EXOSC7: variants seen among roughly 807,000 people sequenced by gnomAD.
The protein encoded by EXOSC7 is exosome complex component RRP42.
Under a neutral mutation model 34.3 loss-of-function variants are expected in EXOSC7, and 25 were observed. That is an observed-to-expected ratio of 0.73 (90% CI 0.53 to 1.02). EXOSC7 has a LOEUF of 1.02. Among genes scored for constraint, EXOSC7 ranks in the 50% least tolerant of loss-of-function variants. EXOSC7 has a pLI of 0.00. For missense variants in EXOSC7, 370 were observed against 368.5 expected, an observed-to-expected ratio of 1.00 and a Z score of -0.03; for synonymous variants, 130 against 143.0, an observed-to-expected ratio of 0.91 and a Z score of 0.65.
chr3:45,004,556 T>G (rs952341566), intron 5 of EXOSC7: 4 of 97,080 alleles, frequency 4.1e-5, no homozygotes, highest in Non-Finnish European at 7.1e-5. Flanking sequence ...ATGCCTGGCG[T>G]TTTTTTTTTT....
chr3:45,010,954 A>T (rs376317725), intron 7 of EXOSC7, among the ~76,000 whole-genome samples: 1 of 152,230 alleles, frequency 6.6e-6, no homozygotes. Context: ...GCATGAGCTA[A>T]TGGCCAGGGC....
intron 7 of EXOSC7, among the ~76,000 whole-genome samples, chr3:45,009,441 C>T (rs1329788297): frequency 6.6e-6 from 1 of 152,178 alleles, no homozygotes; most frequent in East Asian, 1.9e-4. Context: ...ATCTCATCTC[C>T]TCTTGTTGTC....
At chr3:44,978,325 G>T (rs1238118217) in intron 1 of EXOSC7, among the ~76,000 whole-genome samples, 2 of 150,318 alleles carry the variant, frequency 1.3e-5, no homozygotes, top group Non-Finnish European at 2.9e-5. Context: ...TAAATAAAAA[G>T]AATTCCAGGG....
intron 5 of EXOSC7, among the ~76,000 whole-genome samples, chr3:45,003,581 A>G (rs1706947059): frequency 6.6e-6 from 1 of 152,152 alleles, no homozygotes; most frequent in Non-Finnish European, 1.5e-5. Flanking sequence ...AGGAACTGGG[A>G]AAAGTACTAA....
At chr3:44,986,478 C>T (rs1365719637) in intron 1 of EXOSC7, among the ~76,000 whole-genome samples, 1 of 152,210 alleles carries the variant, frequency 6.6e-6, no homozygotes, top group African/African-American at 2.4e-5. Flanking sequence ...CCACGCCTCT[C>T]CCTCCACACC....
intron 3 of EXOSC7, among the ~76,000 whole-genome samples, chr3:44,993,129 C>G (rs1365050527): frequency 2.0e-5 from 3 of 152,070 alleles, no homozygotes; most frequent in Non-Finnish European, 2.9e-5. Flanking sequence ...CCTGCAGAAG[C>G]CTTTTGAGGC....
intron 3 of EXOSC7, among the ~76,000 whole-genome samples, chr3:44,991,028 A>G (rs775074264): frequency 7.9e-5 from 12 of 152,238 alleles, no homozygotes; most frequent in African/African-American, 2.9e-4. Flanking sequence ...TATAAGAGAA[A>G]TGACAAATGA....
At chr3:44,996,040 G>T (rs1455646090) in intron 3 of EXOSC7, among the ~76,000 whole-genome samples, 1 of 152,092 alleles carries the variant, frequency 6.6e-6, no homozygotes, top group Non-Finnish European at 1.5e-5. Context: ...GCTCCCTATG[G>T]TGAAACTCCC....
intron 1 of EXOSC7, among the ~76,000 whole-genome samples, chr3:44,986,213 G>A (rs1706408734): frequency 6.6e-6 from 1 of 151,632 alleles, no homozygotes; most frequent in African/African-American, 2.4e-5. Flanking sequence ...GCACCCATGG[G>A]TGGGGGTGGG....
In EXOSC7 at chr3:44,976,290, A is replaced by C; in HGVS notation, c.13A>C (p.Thr5Pro). The change falls in exon 1 of 8, where the codon ACG (threonine) becomes CCG (proline). Residue 5 changes from threonine to proline, a missense_variant. By Grantham distance (38) the Thr-to-Pro change is conservative (BLOSUM62 -1). Around this residue, in one of 3 missense-constraint regions of EXOSC7, gnomAD observed 95 missense variants for 79.8 expected, o/e 1.19. Coordinates refer to ENST00000265564, the MANE Select transcript of EXOSC7 (RefSeq NM_015004.4). Reference sequence around the variant, plus strand: ...GCAGCTCGGCAGCATGGCGTCCGTGACGCTGAGCGAGGCGGAGAAGGTGTA... The same window carrying C: ...GCAGCTCGGCAGCATGGCGTCCGTGCCGCTGAGCGAGGCGGAGAAGGTGTA... The part of the protein sequence containing the change: MASV[T>P]LSEAEKVYIV... 1 of 1,561,384 alleles carries C rather than the reference A, an allele frequency of 6.4e-7. No homozygotes were observed. Among genetic ancestry groups the C allele is most frequent in the Non-Finnish European group, 8.6e-7 (1 of 1,160,306 alleles).
chr3:44,988,329 T>C (rs1194000181), intron 1 of EXOSC7, among the ~76,000 whole-genome samples: 1 of 152,168 alleles, frequency 6.6e-6, no homozygotes, highest in African/African-American at 2.4e-5. Flanking sequence ...ATTATAACCA[T>C]AGCATAAAAG....
Position 44,995,232 on chromosome 3 carries a change from C to G in EXOSC7, c.255-1855C>G, listed in dbSNP as rs1392795146. Among the ~76,000 whole-genome samples the G allele has an allele frequency of 5.9e-5, 9 of 152,306 alleles. No homozygotes were observed. In the East Asian group the frequency reaches 1.7e-3, roughly 29 times the overall value. On this transcript the variant is annotated intron_variant, in intron 3 of 7. Transcript: ENST00000265564. ...CCCCGACCTCAGGTGATCCACCCGC[C>G]TTGGCCTCCGAAAGTGCTGGGATTG...
chr3:44,988,593 A>C (rs1443479600), intron 1 of EXOSC7, among the ~76,000 whole-genome samples: 1 of 152,124 alleles, frequency 6.6e-6, no homozygotes, highest in African/African-American at 2.4e-5. Context: ...TTCCAGTAAA[A>C]CTTATTTACA....
chr3:44,988,726 G>A (rs1014668580), intron 1 of EXOSC7, among the ~76,000 whole-genome samples: 1 of 152,196 alleles, frequency 6.6e-6, no homozygotes, highest in African/African-American at 2.4e-5. Flanking sequence ...CTTCAGTTGA[G>A]ATGATTGTAC....
intron 1 of EXOSC7, among the ~76,000 whole-genome samples, chr3:44,977,818 T>C (rs911415591): frequency 6.6e-6 from 1 of 152,262 alleles, no homozygotes; most frequent in African/African-American, 2.4e-5. Flanking sequence ...GACTCTGTCA[T>C]GTGTCCTATT....
intron 1 of EXOSC7, among the ~76,000 whole-genome samples, chr3:44,987,055 A>G (rs372756054): frequency 7.9e-5 from 12 of 151,052 alleles, no homozygotes; most frequent in African/African-American, 2.7e-4. Flanking sequence ...CCATGAGCCA[A>G]CGTGGAATGA....
At chr3:44,989,756 C>CCTGCTGGATGGCTGA in intron 3 of EXOSC7, 112 bp downstream of exon 3, 1 of 796,542 alleles carries the variant, frequency 1.3e-6, no homozygotes, top group Non-Finnish European at 2.0e-6. Flanking sequence ...ATCATTCAGC[C>CCTGCTGGATGGCTGA]ATCCAGCAGG....
chr3:44,992,881 G>A (rs1252458245), intron 3 of EXOSC7, among the ~76,000 whole-genome samples: 1 of 152,172 alleles, frequency 6.6e-6, no homozygotes, highest in African/African-American at 2.4e-5. Flanking sequence ...GGGGAGTTTA[G>A]GAGAACATTT....
intron 3 of EXOSC7, among the ~76,000 whole-genome samples, chr3:44,993,739 G>T (rs1706633822): frequency 6.6e-6 from 1 of 152,172 alleles, no homozygotes; most frequent in Non-Finnish European, 1.5e-5. Flanking sequence ...ATGCCCAAAA[G>T]ACCAAGTGTG....
Sources: gnomAD v4.1 joint callset for allele counts (sites outside exome capture counted in the v4.1 genomes callset) on GRCh38, gnomAD v4.1.1 for gene constraint, gnomAD v4.1.1 regional missense constraint, MANE v1.5 for transcripts, NCBI Gene and HGNC (gene_info 2026-07-23, HGNC 2026-07-21) for gene names.